Variants in ROBO2 observed in about 807,000 individuals in gnomAD.
The protein encoded by ROBO2 is roundabout guidance receptor 2, also known as roundabout homolog 2.
ROBO2 carries 53 observed loss-of-function variants against 160.8 expected under a neutral mutation model. The ratio of observed to expected loss-of-function variants is 0.33; its 90% CI spans 0.26 to 0.41. The LOEUF (loss-of-function observed/expected upper bound fraction) is 0.41. Among genes scored for constraint, ROBO2 ranks in the 10% least tolerant of loss-of-function variants. ROBO2 has a pLI of 1.00. For synonymous variants in ROBO2, 664 were observed against 611.7 expected (o/e 1.09, Z -1.26); for missense variants, 1,577 against 1,722.4 (o/e 0.92, Z 1.49).
chr3:77,641,566 A>G (rs2095351644), intron 24 of ROBO2, among the ~76,000 whole-genome samples: 2 of 152,216 alleles, frequency 1.3e-5, no homozygotes, highest in Admixed American at 1.3e-4. Flanking sequence ...ATTGTGTACA[A>G]TATCTTCTAT....
intron 2 of ROBO2, among the ~76,000 whole-genome samples, chr3:76,626,377 G>A (rs939040797): frequency 3.9e-5 from 6 of 152,094 alleles, no homozygotes; most frequent in African/African-American, 1.4e-4. Context: ...GCCTGGAGAA[G>A]ACAATACATA....
chr3:77,458,604 T>A (rs886935075), intron 2 of ROBO2, among the ~76,000 whole-genome samples: 12 of 142,404 alleles, frequency 8.4e-5, no homozygotes, highest in South Asian at 2.3e-4. Context: ...TTTTTTTTTT[T>A]ATGAAAAAAA....
intron 2 of ROBO2, among the ~76,000 whole-genome samples, chr3:77,205,796 A>G (rs1203262616): frequency 1.3e-5 from 2 of 152,204 alleles, no homozygotes; most frequent in Non-Finnish European, 2.9e-5. Flanking sequence ...TTGAGTGAAG[A>G]TAAGGCAAAT....
chr3:77,045,539 G>A (rs1010820713), intron 1 of ROBO2, among the ~76,000 whole-genome samples: 1 of 152,152 alleles, frequency 6.6e-6, no homozygotes, highest in Non-Finnish European at 1.5e-5. Flanking sequence ...CATGTCCAAT[G>A]AGAATGTACA....
chr3:76,298,852 C>G (rs1193678881), intron 2 of ROBO2, among the ~76,000 whole-genome samples: 1 of 152,180 alleles, frequency 6.6e-6, no homozygotes, highest in Admixed American at 6.5e-5. Context: ...TGTTTTCAAT[C>G]AAGATCAATG....
At chr3:76,377,262 A>C (rs1286408277) in intron 2 of ROBO2, among the ~76,000 whole-genome samples, 1 of 152,172 alleles carries the variant, frequency 6.6e-6, no homozygotes, top group Non-Finnish European at 1.5e-5. Flanking sequence ...GAAATCCATA[A>C]TATTGACATA....
chr3:76,505,009 G>A (rs1358967940), intron 2 of ROBO2, among the ~76,000 whole-genome samples: 1 of 152,016 alleles, frequency 6.6e-6, no homozygotes, highest in African/African-American at 2.4e-5. Flanking sequence ...CTTTATTTTT[G>A]TATGTGGTAA....
intron 2 of ROBO2, among the ~76,000 whole-genome samples, chr3:77,184,970 G>A (rs553988206): frequency 1.1e-4 from 17 of 152,084 alleles, no homozygotes; most frequent in African/African-American, 2.4e-4. Flanking sequence ...TGATGAATTC[G>A]TTGTAATTTC....
At chr3:76,321,306 A>G (rs1435005120) in intron 2 of ROBO2, among the ~76,000 whole-genome samples, 1 of 152,074 alleles carries the variant, frequency 6.6e-6, no homozygotes, top group Non-Finnish European at 1.5e-5. Context: ...CACGAGGTCA[A>G]GAGATCGAGA....
intron 2 of ROBO2, among the ~76,000 whole-genome samples, chr3:76,194,811 G>A (rs556449184): frequency 4.6e-5 from 7 of 152,112 alleles, no homozygotes; most frequent in Admixed American, 3.3e-4. Flanking sequence ...GTAGAGACGG[G>A]GTTTCACCAT....
intron 2 of ROBO2, among the ~76,000 whole-genome samples, chr3:77,114,338 T>G (rs1220826291): frequency 6.6e-6 from 1 of 152,216 alleles, no homozygotes; most frequent in Non-Finnish European, 1.5e-5. Flanking sequence ...GACACCAGCC[T>G]TGGATATCAA....
intron 2 of ROBO2, among the ~76,000 whole-genome samples, chr3:76,554,396 C>T (rs757620845): frequency 2.5e-4 from 38 of 152,158 alleles, no homozygotes; most frequent in Non-Finnish European, 3.4e-4. Context: ...TGGTTGTTTA[C>T]GCTTTTTTGT....
At chr3:76,887,029 T>C (rs940127308) in intron 2 of ROBO2, among the ~76,000 whole-genome samples, 3 of 152,208 alleles carry the variant, frequency 2.0e-5, no homozygotes, top group Admixed American at 2.0e-4. Context: ...TTCTAAGGTA[T>C]TCTTATGCAA....
intron 2 of ROBO2, among the ~76,000 whole-genome samples, chr3:75,978,166 A>C (rs1347284781): frequency 1.3e-5 from 2 of 151,514 alleles, no homozygotes; most frequent in Admixed American, 6.6e-5. Context: ...GTAACACTTG[A>C]ATTGGAATCA....
chr3:76,102,060 G>A (rs768200967), intron 2 of ROBO2, among the ~76,000 whole-genome samples: 83 of 139,608 alleles, frequency 5.9e-4, no homozygotes, highest in South Asian at 1.4e-3. Context: ...TGTTCCCATT[G>A]TACCCCGGGG....
At chr3:76,513,434 C>T (rs1457363101) in intron 2 of ROBO2, among the ~76,000 whole-genome samples, 4 of 152,078 alleles carry the variant, frequency 2.6e-5, no homozygotes, top group African/African-American at 4.8e-5. Flanking sequence ...CTCACTGTAA[C>T]CTCCACCTCC....
intron 2 of ROBO2, among the ~76,000 whole-genome samples, chr3:77,206,098 T>C (rs1014288997): frequency 6.6e-6 from 1 of 152,184 alleles, no homozygotes; most frequent in African/African-American, 2.4e-5. Context: ...TCTCTTCACA[T>C]GCTGTCTTCG....
At chr3:76,252,835 C>T (rs1401837034) in intron 2 of ROBO2, among the ~76,000 whole-genome samples, 3 of 151,476 alleles carry the variant, frequency 2.0e-5, no homozygotes, top group African/African-American at 7.3e-5. Flanking sequence ...AAGGAATTCA[C>T]TCACGGGATT....
intron 2 of ROBO2, among the ~76,000 whole-genome samples, chr3:77,191,847 C>T (rs2081884075): frequency 6.6e-6 from 1 of 152,100 alleles, no homozygotes; most frequent in Non-Finnish European, 1.5e-5. Flanking sequence ...AGCTTTATTG[C>T]ATATCTATAA....
Sources: allele counts gnomAD v4.1 joint callset (sites outside exome capture counted in the v4.1 genomes callset), GRCh38; gene constraint gnomAD v4.1.1; transcripts MANE v1.5; gene names NCBI Gene and HGNC (gene_info 2026-07-23, HGNC 2026-07-21).